The following TERB2 variants were observed in gnomAD, a reference collection of about 807,000 sequenced individuals.
The protein encoded by TERB2 is telomere repeat binding bouquet formation protein 2.
In TERB2, 26 loss-of-function variants were observed where a neutral mutation model predicts 29.8. The ratio of observed to expected loss-of-function variants is 0.87; its 90% CI spans 0.64 to 1.21. The LOEUF (loss-of-function observed/expected upper bound fraction) is 1.21, where lower values mean the gene tolerates loss of function less well. TERB2 is among the 50% of genes most tolerant of loss of function. The probability of loss-of-function intolerance (pLI) is 0.00; values close to 1 mark genes in which losing one functional copy is unlikely to be tolerated. For synonymous variants in TERB2, 80 were observed against 90.8 expected, an observed-to-expected ratio of 0.88 and a Z score of 0.68; for missense variants, 240 against 268.6, an observed-to-expected ratio of 0.89 and a Z score of 0.74.
intron 5 of TERB2, chr15:44,970,039 T>A (rs1025480718): frequency 1.3e-5 from 2 of 151,916 alleles, no homozygotes; most frequent in Non-Finnish European, 1.5e-5. Context: ...TTAAGTCTTA[T>A]AAAGGAAATT....
At chr15:44,976,472 T>C (rs1363012465) in intron 6 of TERB2, among the ~76,000 whole-genome samples, 1 of 152,174 alleles carries the variant, frequency 6.6e-6, no homozygotes, top group Non-Finnish European at 1.5e-5. Flanking sequence ...GGTAGTTTGC[T>C]TCCCTCAGAG....
rs1256250601 is a variant in TERB2 at position 44,978,204 on chromosome 15, G to T, written c.524-285G>T. Among the ~76,000 whole-genome samples the T allele has an allele frequency of 1.3e-5, 2 of 152,066 alleles. 1 individual carries two copies. The highest frequency in any genetic ancestry group is 1.3e-4 in the Admixed American group (2 of 15,254). On this transcript the variant is annotated intron_variant, in intron 6 of 6. Coordinates refer to ENST00000340827, the MANE Select transcript of TERB2 (RefSeq NM_152448.3). ...GTTATTTTTATCTAAGTTCTTTTATGTCCTAGCCCCAACCTAGACATCACA... is the reference window on the plus strand; with the variant it reads ...GTTATTTTTATCTAAGTTCTTTTATTTCCTAGCCCCAACCTAGACATCACA...
chr15:44,960,911 C>T (rs1353290223), intron 3 of TERB2, among the ~76,000 whole-genome samples: 3 of 151,938 alleles, frequency 2.0e-5, no homozygotes, highest in Non-Finnish European at 2.9e-5. Flanking sequence ...TATTGTTAAT[C>T]CATCCTTCAT....
intron 6 of TERB2, 30 bp downstream of exon 6, chr15:44,973,985 C>T: frequency 6.8e-7 from 1 of 1,479,902 alleles, no homozygotes; most frequent in South Asian, 1.4e-5. Flanking sequence ...AGAGTAAACT[C>T]AGGTAGGAAA....
chr15:44,957,306 G>C (rs1270107477), intron 2 of TERB2, among the ~76,000 whole-genome samples: 1 of 151,922 alleles, frequency 6.6e-6, no homozygotes, highest in Non-Finnish European at 1.5e-5. Context: ...AAACGAGCAA[G>C]TTTTCAGTCC....
intron 5 of TERB2, among the ~76,000 whole-genome samples, chr15:44,971,375 C>A (rs1891965319): frequency 6.6e-6 from 1 of 152,148 alleles, no homozygotes; most frequent in Admixed American, 6.6e-5. Flanking sequence ...CCTTAAGATT[C>A]TAAGGATATT....
intron 6 of TERB2, among the ~76,000 whole-genome samples, chr15:44,977,208 C>G (rs1892059932): frequency 6.6e-6 from 1 of 152,154 alleles, no homozygotes; most frequent in Non-Finnish European, 1.5e-5. Context: ...TGCCTGCCTT[C>G]CTCACAGCTC....
chr15:44,957,004 CTTATG>C lies in TERB2; in HGVS notation c.146+31_146+35del. ...TACTGAGGGCGACCTGGCAGTGCCT[CTTATG>C]TTAGGATGAGCCGGGAGTTAGGGAT... On this transcript the variant is annotated intron_variant, in intron 2 of 6. Transcript: ENST00000340827. 3 of 1,594,208 alleles carry C rather than the reference CTTATG, an allele frequency of 1.9e-6. No individual in the cohort carries two copies. The South Asian group carries it at 3.3e-5, about 18-fold the overall frequency.
At chr15:44,964,555 T>G (rs570097814) in intron 4 of TERB2, among the ~76,000 whole-genome samples, 1 of 152,250 alleles carries the variant, frequency 6.6e-6, no homozygotes, top group South Asian at 2.1e-4. Flanking sequence ...GAAAATATAA[T>G]GACCCATTTT....
intron 3 of TERB2, among the ~76,000 whole-genome samples, chr15:44,960,548 A>C (rs1173416168): frequency 6.6e-6 from 1 of 152,194 alleles, no homozygotes; most frequent in Non-Finnish European, 1.5e-5. Flanking sequence ...GAGTAGAATT[A>C]ATTTTAGAAA....
intron 4 of TERB2, among the ~76,000 whole-genome samples, chr15:44,962,434 C>A (rs181878005): frequency 0.022 from 3,357 of 152,002 alleles, 109 homozygotes; most frequent in African/African-American, 0.076. Context: ...CGTGATCCGC[C>A]CGCCTCGGCC....
At position 44,973,901 on chromosome 15, in the gene TERB2, G is replaced by A. The variant is rs1423387578; in HGVS notation, c.469G>A (p.Glu157Lys). 4 of 1,600,448 alleles carry A rather than the reference G, an allele frequency of 2.5e-6. No individual in the cohort carries two copies. Among genetic ancestry groups the A allele is most frequent in the Non-Finnish European group, 3.4e-6 (4 of 1,172,544 alleles). The part of the protein sequence containing the change: ...EKHFIRTPVV[E>K]KQMYFPLQNY... ...GCATTTTATAAGAACTCCAGTTGTA[G>A]AAAAGCAGATGTACTTCCCTCTACA... is the stretch of plus-strand genomic sequence containing the variant. Residue 157 changes from glutamate to lysine, a missense_variant, in exon 6 of 7, where the codon GAA becomes AAA. Physicochemically the swap from Glu to Lys is moderately conservative, Grantham distance 56. Coordinates refer to ENST00000340827, the MANE Select transcript of TERB2 (RefSeq NM_152448.3).
chr15:44,969,125 C>T (rs1338764962), intron 5 of TERB2, among the ~76,000 whole-genome samples: 4 of 151,906 alleles, frequency 2.6e-5, no homozygotes, highest in African/African-American at 7.3e-5. Flanking sequence ...GACAGGGTCT[C>T]GCTCTGTCAC....
rs572853565 is a variant in TERB2 at position 44,977,848 on chromosome 15, T to C, written c.524-641T>C. Among the ~76,000 whole-genome samples, 50 of 152,310 alleles carry C rather than the reference T, an allele frequency of 3.3e-4. 1 individual carries two copies. The highest frequency in any genetic ancestry group is 1.2e-3 in the African/African-American group (49 of 41,568). On this transcript the variant is annotated intron_variant, in intron 6 of 6. Coordinates refer to ENST00000340827, the MANE Select transcript of TERB2 (RefSeq NM_152448.3). The stretch of plus-strand genomic sequence containing the variant: ...TTGTATTACACATAAAATGTAATCA[T>C]TTAAATAGTAAGCAATTGATATCAA...
chr15:44,960,574 C>A (rs1361307490), intron 3 of TERB2, among the ~76,000 whole-genome samples: 1 of 151,982 alleles, frequency 6.6e-6, no homozygotes, highest in East Asian at 1.9e-4. Flanking sequence ...TTTATTTAAC[C>A]TAATATATCT....
intron 5 of TERB2, 54 bp downstream of exon 5, chr15:44,966,297 C>G: frequency 8.8e-7 from 1 of 1,138,446 alleles, no homozygotes; most frequent in Non-Finnish European, 1.2e-6. Flanking sequence ...AATCTGTGAG[C>G]ACTGATTGTG....
intron 4 of TERB2, among the ~76,000 whole-genome samples, chr15:44,965,672 C>G (rs1226171381): frequency 6.8e-6 from 1 of 147,040 alleles, no homozygotes; most frequent in East Asian, 2.0e-4. Flanking sequence ...TATAGTGAAG[C>G]AAATACTTCA....
At chr15:44,966,980 G>GAT (rs1241075359) in intron 5 of TERB2, among the ~76,000 whole-genome samples, 1 of 152,134 alleles carries the variant, frequency 6.6e-6, no homozygotes. Flanking sequence ...CATACCTATA[G>GAT]TCCCAGCTAT....
At chr15:44,966,639 G>A (rs1891893306) in intron 5 of TERB2, among the ~76,000 whole-genome samples, 1 of 152,080 alleles carries the variant, frequency 6.6e-6, no homozygotes, top group Non-Finnish European at 1.5e-5. Context: ...ATACGTATCT[G>A]TGTGTGAAAA....
Sources: gnomAD v4.1 joint callset for allele counts (sites outside exome capture counted in the v4.1 genomes callset) on GRCh38, gnomAD v4.1.1 for gene constraint, MANE v1.5 for transcripts, NCBI Gene and HGNC (gene_info 2026-07-23, HGNC 2026-07-21) for gene names.